Variants in ENOX2 observed in about 807,000 individuals in gnomAD.
ENOX2 encodes ecto-NOX disulfide-thiol exchanger 2.
ENOX2 carries 36 observed loss-of-function variants against 45.0 expected under a neutral mutation model. That is an observed-to-expected ratio of 0.80 (90% CI 0.61 to 1.06). The LOEUF (loss-of-function observed/expected upper bound fraction) is 1.06, where lower values mean the gene tolerates loss of function less well. Ranked by LOEUF, ENOX2 falls within the 50% of genes least tolerant of loss-of-function variation. The pLI is 0.00. For synonymous variants in ENOX2, 174 were observed against 152.3 expected, an observed-to-expected ratio of 1.14 and a Z score of -1.05; for missense variants, 423 against 462.5, an observed-to-expected ratio of 0.91 and a Z score of 0.78.
chrX:130,901,979 T>C (rs2079149663), intron 1 of ENOX2, among the ~76,000 whole-genome samples: 1 of 111,283 alleles, frequency 9.0e-6, no homozygotes, highest in Admixed American at 9.5e-5. Flanking sequence ...GCAGGAAGCA[T>C]TTTCTCCCTC....
At position 130,751,253 on chromosome X, in the gene ENOX2, T is replaced by C. The variant is rs2039214400; in HGVS notation, c.-39+32294A>G. Among the ~76,000 whole-genome samples, 5 of 112,069 alleles carry C rather than the reference T, an allele frequency of 4.5e-5. No homozygotes were observed. The Admixed American group carries it at 4.7e-4, about 11-fold the overall frequency. On this transcript the variant is annotated intron_variant, in intron 3 of 14. Transcript: ENST00000394363. Reference sequence around the variant, plus strand: ...ACCACCAATCTACTTTCTGTCTCCATGGATTTACCTATTATAGACATTTCA... The same window carrying C: ...ACCACCAATCTACTTTCTGTCTCCACGGATTTACCTATTATAGACATTTCA...
chrX:130,812,727 T>A (rs891536518), intron 2 of ENOX2, among the ~76,000 whole-genome samples: 9 of 112,211 alleles, frequency 8.0e-5, no homozygotes, highest in Non-Finnish European at 1.7e-4. Context: ...AATGTTCATA[T>A]TACCAAGGCA....
intron 3 of ENOX2, among the ~76,000 whole-genome samples, chrX:130,774,614 T>C (rs139241946): frequency 8.9e-6 from 1 of 112,090 alleles, no homozygotes; most frequent in African/African-American, 3.2e-5. Flanking sequence ...TACTTTGGTG[T>C]TGTGGAAGAG....
intron 10 of ENOX2, among the ~76,000 whole-genome samples, chrX:130,647,736 T>C (rs1489319608): frequency 9.0e-6 from 1 of 111,284 alleles, no homozygotes; most frequent in Non-Finnish European, 1.9e-5. Flanking sequence ...GGGAGCAGGG[T>C]GCTAGTTCTA....
chrX:130,833,677 C>T (rs1186066465), intron 2 of ENOX2, among the ~76,000 whole-genome samples: 1 of 111,017 alleles, frequency 9.0e-6, no homozygotes, highest in East Asian at 2.8e-4. Flanking sequence ...AAAATGAAGG[C>T]GATTTTGCTG....
chrX:130,842,082 T>C (rs1170723449), intron 2 of ENOX2, among the ~76,000 whole-genome samples: 1 of 112,508 alleles, frequency 8.9e-6, no homozygotes, highest in Non-Finnish European at 1.9e-5. Flanking sequence ...AAGTTGGGTA[T>C]TACAAAGCTG....
At chrX:130,672,574 C>T (rs950080439) in intron 6 of ENOX2, among the ~76,000 whole-genome samples, 2 of 112,643 alleles carry the variant, frequency 1.8e-5, no homozygotes, top group East Asian at 5.6e-4. Context: ...AGTCCCTCCC[C>T]GTCTTTACAC....
chrX:130,833,056 A>C (rs370818843), intron 2 of ENOX2, among the ~76,000 whole-genome samples: 43 of 91,952 alleles, frequency 4.7e-4, no homozygotes, highest in African/African-American at 1.4e-3. Flanking sequence ...CACACACACA[A>C]ACAGCACTGA....
intron 3 of ENOX2, among the ~76,000 whole-genome samples, chrX:130,749,493 TAAC>T (rs1303934462): frequency 1.8e-5 from 2 of 111,456 alleles, no homozygotes; most frequent in Non-Finnish European, 3.8e-5. Flanking sequence ...AAAACCAAAA[TAAC>T]AACAACCCAA....
intron 3 of ENOX2, among the ~76,000 whole-genome samples, chrX:130,770,054 T>A (rs1444636858): frequency 1.8e-5 from 2 of 111,950 alleles, no homozygotes; most frequent in Non-Finnish European, 3.8e-5. Context: ...CCAACGTGCC[T>A]AAGCTATCTG....
chrX:130,646,138 C>T, intron 10 of ENOX2: 1 of 517,863 alleles, frequency 1.9e-6, no homozygotes, highest in African/African-American at 2.3e-5. Context: ...CAAGCAACTT[C>T]TCCTGGAGCA....
intron 3 of ENOX2, 109 bp downstream of exon 3, chrX:130,783,438 A>G (rs1465118234): frequency 3.7e-6 from 1 of 270,586 alleles, no homozygotes; most frequent in African/African-American, 2.9e-5. Context: ...TTTCTCATTT[A>G]TTTAGTTCCT....
chrX:130,874,873 A>T (rs1248477302), intron 2 of ENOX2, among the ~76,000 whole-genome samples: 1 of 110,061 alleles, frequency 9.1e-6, no homozygotes, highest in Non-Finnish European at 1.9e-5. Context: ...ACACACAAAC[A>T]TAGGCATGTG....
rs1463080694 is a variant in ENOX2 at position 130,667,531 on chromosome X, T to C, written c.906A>G (p.Gln302=). Reference sequence around the variant, plus strand: ...AGCAGAACTCTAAGTTCCACTCACATTGAATGAGAATTCCAGAAAGGGCCT... The same window carrying C: ...AGCAGAACTCTAAGTTCCACTCACACTGAATGAGAATTCCAGAAAGGGCCT... The part of the protein sequence containing the change: ...FKQALSGILI[Q]FEQIVAVYHS... Residue 302 remains glutamine (Q), a splice_region_variant and synonymous_variant, in exon 8 of 15, where the codon CAA becomes CAG. Coordinates refer to ENST00000394363, the MANE Select transcript of ENOX2 (RefSeq NM_006375.4). 1 of 1,202,419 alleles carries C rather than the reference T, an allele frequency of 8.3e-7. No individual in the cohort carries two copies. Among genetic ancestry groups the C allele is most frequent in the Non-Finnish European group, 1.1e-6 (1 of 888,217 alleles).
chrX:130,806,482 A>G (rs780169111), intron 2 of ENOX2, among the ~76,000 whole-genome samples: 7 of 112,476 alleles, frequency 6.2e-5, no homozygotes, highest in Non-Finnish European at 5.6e-5. Context: ...AATATTAACA[A>G]TGCATCATAA....
At chrX:130,696,303 C>CT (rs2037758684) in intron 4 of ENOX2, among the ~76,000 whole-genome samples, 1 of 111,506 alleles carries the variant, frequency 9.0e-6, no homozygotes, top group Non-Finnish European at 1.9e-5. Flanking sequence ...GTGTTCTTGC[C>CT]TTTTTAGAAC....
chrX:130,743,664 G>A (rs1360138311), intron 3 of ENOX2, among the ~76,000 whole-genome samples: 1 of 109,480 alleles, frequency 9.1e-6, no homozygotes, highest in Non-Finnish European at 1.9e-5. Flanking sequence ...ATTTTTAGTA[G>A]AGATGGGATT....
chrX:130,854,878 AT>A (rs2078279538), intron 2 of ENOX2, among the ~76,000 whole-genome samples: 1 of 111,678 alleles, frequency 9.0e-6, no homozygotes, highest in African/African-American at 3.3e-5. Context: ...TCACAATAAA[AT>A]GTCTCGGAAA....
intron 2 of ENOX2, among the ~76,000 whole-genome samples, chrX:130,891,490 G>GT (rs140444679): frequency 0.025 from 1,107 of 44,566 alleles, 187 homozygotes; most frequent in Non-Finnish European, 0.028. Context: ...ACACTATATG[G>GT]TTTTTTTTTT....
Sources: gnomAD v4.1 joint callset for allele counts (sites outside exome capture counted in the v4.1 genomes callset) on GRCh38, gnomAD v4.1.1 for gene constraint, MANE v1.5 for transcripts, NCBI Gene and HGNC (gene_info 2026-07-23, HGNC 2026-07-21) for gene names.